Variants in CTNNA2 observed in about 807,000 individuals in gnomAD.
CTNNA2 encodes catenin alpha 2.
A neutral mutation model predicts 101.0 loss-of-function variants in CTNNA2; 42 were observed. The observed-to-expected ratio is 0.42, with a 90% CI of 0.32 to 0.54. CTNNA2 has a LOEUF of 0.54. CTNNA2 is among the 20% of genes least tolerant of loss of function. The probability of loss-of-function intolerance (pLI) is 0.14; values close to 1 mark genes in which losing one functional copy is unlikely to be tolerated. For missense variants in CTNNA2, 871 were observed against 1,223.1 expected (o/e 0.71, Z 4.29); for synonymous variants, 450 against 456.4 (o/e 0.99, Z 0.18).
At chr2:79,585,582 C>T (rs1281969959) in intron 1 of CTNNA2, among the ~76,000 whole-genome samples, 1 of 152,014 alleles carries the variant, frequency 6.6e-6, no homozygotes, top group Non-Finnish European at 1.5e-5. Context: ...TGGCCAGGAA[C>T]AACAAAAGGC....
At chr2:80,157,710 A>G (rs780325915) in intron 7 of CTNNA2, among the ~76,000 whole-genome samples, 1 of 152,142 alleles carries the variant, frequency 6.6e-6, no homozygotes, top group Non-Finnish European at 1.5e-5. Context: ...ATGCAACCAC[A>G]GAGAAAAAAC....
chr2:80,194,377 T>G (rs2149003269), intron 7 of CTNNA2, among the ~76,000 whole-genome samples: 2 of 152,288 alleles, frequency 1.3e-5, no homozygotes, highest in East Asian at 1.9e-4. Context: ...ACAGAGAAAT[T>G]AATGTGAGAT....
chr2:80,079,895 T>TAAAATAATAAAATAAAATAAATA (rs1462703412), intron 7 of CTNNA2, among the ~76,000 whole-genome samples: 1 of 115,008 alleles, frequency 8.7e-6, no homozygotes, highest in Non-Finnish European at 2.0e-5. Flanking sequence ...TAAAATAAAA[T>TAAAATAATAAAATAAAATAAATA]AAATAAAATA....
intron 4 of CTNNA2, among the ~76,000 whole-genome samples, chr2:79,438,636 C>A (rs564580087): frequency 1.3e-5 from 2 of 152,260 alleles, no homozygotes; most frequent in South Asian, 4.1e-4. Context: ...TGCCAAATGT[C>A]CCCTCAGAGG....
intron 1 of CTNNA2, among the ~76,000 whole-genome samples, chr2:79,527,971 A>C (rs117924602): frequency 0.01 from 1,577 of 152,336 alleles, 31 homozygotes; most frequent in East Asian, 0.048. Flanking sequence ...CAATGGGATA[A>C]TATTCCACCA....
chr2:79,524,353 A>G (rs1672282018), intron 1 of CTNNA2, among the ~76,000 whole-genome samples: 1 of 151,834 alleles, frequency 6.6e-6, no homozygotes. Flanking sequence ...TTATTCTTTA[A>G]TATTTCCTAA....
rs545867854 is a variant in CTNNA2 at position 80,278,454 on chromosome 2, G to T, written c.1057-114757G>T. 2.6e-5 allele frequency among the ~76,000 whole-genome samples: 4 copies of T among 152,188 alleles called. No homozygotes were observed. The South Asian group carries it at 8.3e-4, about 32-fold the overall frequency. On this transcript the variant is annotated intron_variant, in intron 7 of 18. Coordinates refer to ENST00000402739, the MANE Select transcript of CTNNA2 (RefSeq NM_001282597.3). ...CTCACCCATGGTCTGGTGGTTGATT[G>T]GCTGCATCTGTGATTCCAGACAAGT... is the stretch of plus-strand genomic sequence containing the variant.
In CTNNA2 at chr2:79,316,126, G is replaced by A. The variant is rs1292306180; in HGVS notation, c.-318+3330G>A. ...GTTTATGAGTATTTTTGTGTTTGGT[G>A]TGAGGAAGGTGTCCAAATTCATGCT... On this transcript the variant is annotated intron_variant, in intron 3 of 21. Coordinates refer to the CTNNA2 transcript ENST00000466387. Among the ~76,000 whole-genome samples, 5 of 152,062 alleles carry A rather than the reference G, an allele frequency of 3.3e-5. No homozygotes were observed. In the East Asian group the frequency reaches 9.6e-4, roughly 29 times the overall value.
At chr2:80,149,991 C>T (rs1240593666) in intron 7 of CTNNA2, among the ~76,000 whole-genome samples, 2 of 152,202 alleles carry the variant, frequency 1.3e-5, no homozygotes, top group Non-Finnish European at 2.9e-5. Context: ...GCACCTCCAC[C>T]TGCATCTGTT....
chr2:80,621,321 A>G (rs1285299459), intron 18 of CTNNA2, among the ~76,000 whole-genome samples: 1 of 152,000 alleles, frequency 6.6e-6, no homozygotes, highest in African/African-American at 2.4e-5. Context: ...TTTATTTTGT[A>G]CATACAATTA....
chr2:79,971,440 T>TA, intron 7 of CTNNA2, among the ~76,000 whole-genome samples: 1 of 152,110 alleles, frequency 6.6e-6, no homozygotes, highest in Non-Finnish European at 1.5e-5. Context: ...AGTGCCTCGA[T>TA]AAAGAATATG....
intron 2 of CTNNA2, among the ~76,000 whole-genome samples, chr2:79,665,985 G>C (rs575955946): frequency 1.3e-5 from 2 of 152,052 alleles, no homozygotes; most frequent in Non-Finnish European, 2.9e-5. Context: ...TATTTAACAC[G>C]AACTCCCAGT....
intron 2 of CTNNA2, among the ~76,000 whole-genome samples, chr2:79,708,446 G>C (rs961852100): frequency 1.3e-5 from 2 of 152,046 alleles, no homozygotes; most frequent in African/African-American, 4.8e-5. Flanking sequence ...TGAGATCTGT[G>C]TTCTGGTTTC....
intron 3 of CTNNA2, among the ~76,000 whole-genome samples, chr2:79,745,512 A>G (rs1184212875): frequency 1.3e-5 from 2 of 152,112 alleles, no homozygotes; most frequent in African/African-American, 4.8e-5. Context: ...CGATATTCAT[A>G]TCGTTGAGCA....
At chr2:80,100,218 G>A (rs10180830) in intron 7 of CTNNA2, among the ~76,000 whole-genome samples, 23,461 of 152,074 alleles carry the variant, frequency 0.15, 2,484 homozygotes, top group South Asian at 0.31. Context: ...ACAGATGTGA[G>A]CCACTGCTCC....
At chr2:80,403,943 A>C (rs1678817117) in intron 8 of CTNNA2, among the ~76,000 whole-genome samples, 1 of 152,248 alleles carries the variant, frequency 6.6e-6, no homozygotes, top group African/African-American at 2.4e-5. Flanking sequence ...CCAGCCTTGC[A>C]ACCTGCAGAT....
rs557600115 is a variant in CTNNA2 at position 79,991,925 on chromosome 2, G to T, written c.1056+82128G>T. Among the ~76,000 whole-genome samples, 17 of 152,176 alleles carry T rather than the reference G, an allele frequency of 1.1e-4. No homozygotes were observed. The South Asian group carries it at 3.5e-3, about 32-fold the overall frequency. ...AAGGCCTCAGGTATGTTCTTAGCCA[G>T]GTCTGATTTATTTAGATGTTTTGTT... On this transcript the variant is annotated intron_variant, in intron 7 of 18. Transcript: ENST00000402739.
At chr2:79,258,608 G>A (rs1482029174) in intron 2 of CTNNA2, among the ~76,000 whole-genome samples, 1 of 151,920 alleles carries the variant, frequency 6.6e-6, no homozygotes, top group Non-Finnish European at 1.5e-5. Flanking sequence ...TTGATAAAAT[G>A]GAAAAAATGT....
chr2:80,278,087 A>C (rs1213497778), intron 7 of CTNNA2, among the ~76,000 whole-genome samples: 1 of 152,164 alleles, frequency 6.6e-6, no homozygotes. Context: ...GTATACATTA[A>C]TTAACCACTT....
Sources: allele counts gnomAD v4.1 joint callset (sites outside exome capture counted in the v4.1 genomes callset), GRCh38; gene constraint gnomAD v4.1.1; transcripts MANE v1.5; gene names NCBI Gene and HGNC (gene_info 2026-07-23, HGNC 2026-07-21).